Variants in TUBGCP4 observed in about 807,000 individuals in gnomAD.
TUBGCP4 encodes gamma-tubulin complex component 4.
TUBGCP4 carries 54 observed loss-of-function variants against 91.6 expected under a neutral mutation model. The ratio of observed to expected loss-of-function variants is 0.59; its 90% confidence interval spans 0.47 to 0.74. TUBGCP4 has a LOEUF of 0.74. Among genes scored for constraint, TUBGCP4 ranks in the 30% least tolerant of loss-of-function variants. The probability of loss-of-function intolerance (pLI) is 0.00; values close to 1 mark genes in which losing one functional copy is unlikely to be tolerated. For synonymous variants in TUBGCP4, 297 were observed against 302.8 expected (o/e 0.98, Z 0.20); for missense variants, 593 against 800.9 (o/e 0.74, Z 3.13).
intron 1 of TUBGCP4, 40 bp downstream of exon 1, chr15:43,371,472 G>A (rs376927057): frequency 2.8e-5 from 45 of 1,606,778 alleles, no homozygotes; most frequent in Non-Finnish European, 3.7e-5. Flanking sequence ...GGGAGCGCAG[G>A]AGGGGGGACC....
chr15:43,397,083 C>A, intron 11 of TUBGCP4, 131 bp from the exon 12 acceptor site: 4 of 703,140 alleles, frequency 5.7e-6, no homozygotes, highest in Non-Finnish European at 1.0e-5. Context: ...GGGTGTTAGA[C>A]AAATGAAACA....
chr15:43,383,607 C>A, intron 7 of TUBGCP4, 103 bp downstream of exon 7: 1 of 937,050 alleles, frequency 1.1e-6, no homozygotes. Flanking sequence ...AGCTGAGCAC[C>A]TTCCATCAAT....
At chr15:43,375,517 C>G (rs1200338054) in intron 1 of TUBGCP4, among the ~76,000 whole-genome samples, 4 of 152,148 alleles carry the variant, frequency 2.6e-5, no homozygotes, top group African/African-American at 9.7e-5. Context: ...GCATATTAGG[C>G]TATCATTTGG....
chr15:43,385,276 A>G, intron 7 of TUBGCP4: 1 of 447,934 alleles, frequency 2.2e-6, no homozygotes, highest in Non-Finnish European at 4.5e-6. Flanking sequence ...GAAATGTTAT[A>G]TGTCTGTACA....
rs745563676 is a variant in TUBGCP4 at position 43,395,570 on chromosome 15, A to T, written c.1066-13A>T. 1.3e-5 allele frequency: 21 copies of T among 1,605,106 alleles called. 1 individual carries two copies. In the South Asian group the frequency reaches 2.1e-4, roughly 16 times the overall value. On this transcript the variant is annotated splice_polypyrimidine_tract_variant and intron_variant, in intron 10 of 17. Coordinates refer to ENST00000564079, the MANE Select transcript of TUBGCP4 (RefSeq NM_014444.5). Reference sequence around the variant, plus strand: ...TTGCTTTACTGAATTGTAAATTGAAATTCTTTCCTCAGATCATTAAAGACT... The same window carrying T: ...TTGCTTTACTGAATTGTAAATTGAATTTCTTTCCTCAGATCATTAAAGACT...
At chr15:43,378,530 T>A (rs992895608) in intron 5 of TUBGCP4, among the ~76,000 whole-genome samples, 5 of 152,252 alleles carry the variant, frequency 3.3e-5, no homozygotes, top group African/African-American at 9.6e-5. Flanking sequence ...TCATTTTTTT[T>A]AAGCTCTTTA....
At chr15:43,400,568 G>A (rs2044658706) in intron 14 of TUBGCP4, among the ~76,000 whole-genome samples, 1 of 151,944 alleles carries the variant, frequency 6.6e-6, no homozygotes, top group African/African-American at 2.4e-5. Context: ...CAGCTGGTTT[G>A]TTTTTATTTT....
At chr15:43,394,691 T>G (rs2044551703) in intron 9 of TUBGCP4, 1 of 184,078 alleles carries the variant, frequency 5.4e-6, no homozygotes, top group Non-Finnish European at 1.1e-5. Flanking sequence ...CCATTCCCCT[T>G]GGTACTGTCC....
chr15:43,389,246 A>G (rs532742374), intron 9 of TUBGCP4, among the ~76,000 whole-genome samples: 1 of 152,354 alleles, frequency 6.6e-6, no homozygotes, highest in South Asian at 2.1e-4. Context: ...TTTACTGCTT[A>G]CATAGAGAAA....
At chr15:43,396,722 TCTAC>T (rs2044586523) in intron 11 of TUBGCP4, among the ~76,000 whole-genome samples, 2 of 152,202 alleles carry the variant, frequency 1.3e-5, no homozygotes, top group Non-Finnish European at 2.9e-5. Context: ...CTTTCCATCT[TCTAC>T]CTCTTTCTTC....
Position 43,383,435 on chromosome 15 carries a change from A to G in TUBGCP4, c.654A>G (p.Pro218=). The G allele has an allele frequency of 6.2e-7, 1 of 1,614,162 alleles. No homozygotes were observed. Among genetic ancestry groups the G allele is most frequent in the Non-Finnish European group, 8.5e-7 (1 of 1,180,016 alleles). The change falls in exon 7 of 18, where the codon CCA becomes CCG. Residue 218 remains proline, a synonymous_variant. Coordinates refer to ENST00000564079, the MANE Select transcript of TUBGCP4 (RefSeq NM_014444.5). ...CTTCTGGTAATGTCAGTGCCCAGCCAGAAGAGGACGAGGAGGATCTGGGCA... is the reference window on the plus strand; with the variant it reads ...CTTCTGGTAATGTCAGTGCCCAGCCGGAAGAGGACGAGGAGGATCTGGGCA... ...GPSSGNVSAQ[P]EEDEEDLGIG...
At chr15:43,394,996 G>A in intron 9 of TUBGCP4, 111 bp from the exon 10 acceptor site, 1 of 1,152,152 alleles carries the variant, frequency 8.7e-7, no homozygotes, top group Admixed American at 1.7e-5. Context: ...TTTCTATGTG[G>A]GGCAAGGTAT....
Position 43,405,399 on chromosome 15 carries a change from G to C in TUBGCP4, c.*185G>C, listed in dbSNP as rs953748904. 7.8e-6 allele frequency: 5 copies of C among 643,308 alleles called. No homozygotes were observed. The African/African-American group carries it at 9.2e-5, about 12-fold the overall frequency. The allele number at this position is 643,308 out of a possible 1,614,324, so 39.8% of individuals were successfully genotyped here. ...AACTCCTTCCCATCATTCCCATGTG[G>C]AAGGGTCTCTCCCATCAAGGAGAAC... On this transcript the variant is annotated 3_prime_UTR_variant, in exon 18 of 18. Coordinates refer to ENST00000564079, the MANE Select transcript of TUBGCP4 (RefSeq NM_014444.5).
chr15:43,373,509 T>A (rs1409695806), intron 1 of TUBGCP4, among the ~76,000 whole-genome samples: 1 of 152,192 alleles, frequency 6.6e-6, no homozygotes, highest in Non-Finnish European at 1.5e-5. Context: ...ACTTATTTAA[T>A]CCTCACAATT....
rs2044610605 is a variant in TUBGCP4, at chr15:43,398,021, CT to C, written c.1280-16del. On this transcript the variant is annotated intron_variant, in intron 12 of 17. Transcript: ENST00000564079. ...CCAAGTTGTTATCTTTTCTTTTTTT[CT>C]TTTCTTTTATCACAGCAGATGCTAC... The C allele has an allele frequency of 3.8e-6, 6 of 1,585,878 alleles. No individual in the cohort carries two copies. Among genetic ancestry groups the C allele is most frequent in the Non-Finnish European group, 2.6e-6 (3 of 1,170,126 alleles).
rs1030043556 is a variant in TUBGCP4, at chr15:43,392,049, C to T, written c.1015-3058C>T. Among the ~76,000 whole-genome samples the T allele has an allele frequency of 7.0e-5, 10 of 143,202 alleles. No individual in the cohort carries two copies. The South Asian group carries it at 1.2e-3, about 17-fold the overall frequency. 93.9% of individuals were successfully genotyped at this position (143,202 alleles called of 152,430 possible). Reference sequence around the variant, plus strand: ...CAGCCTGGACAATAGAGTAAGACTCCGTCTCAAAATAAAATAAAATAGAGA... The same window carrying T: ...CAGCCTGGACAATAGAGTAAGACTCTGTCTCAAAATAAAATAAAATAGAGA... On this transcript the variant is annotated intron_variant, in intron 9 of 17. Transcript: ENST00000564079.
In TUBGCP4 at chr15:43,386,344, C is replaced by CATATATAT. The variant is rs1566894338; in HGVS notation, c.1014+14_1014+15insATATATAT. ...ACTGTGGCTGAGGTTTGTGTTTCATCGTATATATATATATATATATATATA... is the reference window on the plus strand; with the variant it reads ...ACTGTGGCTGAGGTTTGTGTTTCATCATATATATGTATATATATATATATATATATATA... On this transcript the variant is annotated intron_variant, in intron 9 of 17. Transcript: ENST00000564079. 5.9e-4 allele frequency: 145 copies of CATATATAT among 245,618 alleles called. 32 individuals are homozygous for CATATATAT. Among genetic ancestry groups the CATATATAT allele is most frequent in the African/African-American group, 2.9e-3 (23 of 7,938 alleles). The allele number at this position is 245,618 out of a possible 1,614,324, so 15.2% of individuals were successfully genotyped here.
Position 43,406,730 on chromosome 15 carries a change from T to C in TUBGCP4, c.*1516T>C. 2.5e-6 allele frequency: 1 copy of C among 406,532 alleles called. No individual in the cohort carries two copies. Among genetic ancestry groups the C allele is most frequent in the Admixed American group, 3.0e-5 (1 of 33,420 alleles). 25.2% of individuals were successfully genotyped at this position (406,532 alleles called of 1,614,324 possible). Reference sequence around the variant, plus strand: ...ATAATAATAATATTGGGTCTTTGACTAGAACGTGTAACATTTCCAGGTGTT... The same window carrying C: ...ATAATAATAATATTGGGTCTTTGACCAGAACGTGTAACATTTCCAGGTGTT... On this transcript the variant is annotated 3_prime_UTR_variant, in exon 18 of 18. Transcript: ENST00000564079.
chr15:43,391,898 T>C (rs2044473704), intron 9 of TUBGCP4, among the ~76,000 whole-genome samples: 1 of 151,902 alleles, frequency 6.6e-6, no homozygotes, highest in Non-Finnish European at 1.5e-5. Context: ...TAAAATAAAC[T>C]ACAAAAATTA....
Sources: gnomAD v4.1 joint callset for allele counts (sites outside exome capture counted in the v4.1 genomes callset) on GRCh38, gnomAD v4.1.1 for gene constraint, MANE v1.5 for transcripts, NCBI Gene and HGNC (gene_info 2026-07-23, HGNC 2026-07-21) for gene names.